The following SRGAP3 variants were observed in gnomAD, a reference collection of about 807,000 sequenced individuals.
SRGAP3 encodes SLIT-ROBO Rho GTPase activating protein 3.
SRGAP3 carries 39 observed loss-of-function variants against 121.1 expected under a neutral mutation model. The ratio of observed to expected loss-of-function variants is 0.32; its 90% CI spans 0.25 to 0.42. SRGAP3 has a LOEUF of 0.42. Ranked by LOEUF, SRGAP3 falls within the 10% of genes least tolerant of loss-of-function variation. SRGAP3 has a pLI of 1.00. For missense variants in SRGAP3, 1,213 were observed against 1,470.6 expected (o/e 0.82, Z 2.86); for synonymous variants, 601 against 570.0 (o/e 1.05, Z -0.77).
chr3:9,032,908 G>A, intron 11 of SRGAP3, among the ~76,000 whole-genome samples, 156 bp from the exon 12 acceptor site: 1 of 152,128 alleles, frequency 6.6e-6, no homozygotes, highest in East Asian at 1.9e-4. Flanking sequence ...TGTTCCATCT[G>A]AAGGCCTTTG....
rs6443233 is a variant in SRGAP3, at chr3:9,327,962, G to T, written n.284-1794C>A. 2.8e-3 allele frequency among the ~76,000 whole-genome samples: 430 copies of T among 152,202 alleles called. 2 individuals carry two copies. The highest frequency in any genetic ancestry group is 9.7e-3 in the African/African-American group (404 of 41,530). On this transcript the variant is annotated intron_variant and non_coding_transcript_variant, in intron 2 of 3. Transcript: ENST00000490889. Reference sequence around the variant, plus strand: ...CTTCTTTGCATAGTTACTGGGTATGGTTAATTCCATATATCCCCAGACCTT... The same window carrying T: ...CTTCTTTGCATAGTTACTGGGTATGTTTAATTCCATATATCCCCAGACCTT...
At position 9,265,650 on chromosome 3, in the gene SRGAP3, T is replaced by C. The variant is rs545187952; in HGVS notation, n.442+60360A>G. ...TCATCATCACTGGTCATTAGAGAAA[T>C]GCAAATCAAAACCACAATGAGATAC... On this transcript the variant is annotated intron_variant and non_coding_transcript_variant, in intron 3 of 3. Transcript: ENST00000490889. Among the ~76,000 whole-genome samples the C allele has an allele frequency of 1.8e-3, 266 of 150,082 alleles. 1 individual carries two copies. Among genetic ancestry groups the C allele is most frequent in the Non-Finnish European group, 3.1e-3 (213 of 67,644 alleles).
At chr3:9,149,636 C>T (rs1158884798) in intron 1 of SRGAP3, among the ~76,000 whole-genome samples, 3 of 152,198 alleles carry the variant, frequency 2.0e-5, no homozygotes, top group Non-Finnish European at 4.4e-5. Context: ...TCTGGGCTGG[C>T]CTGCAGGAGG....
chr3:9,139,510 C>A (rs1343230877), intron 1 of SRGAP3, among the ~76,000 whole-genome samples: 1 of 152,206 alleles, frequency 6.6e-6, no homozygotes, highest in Non-Finnish European at 1.5e-5. Context: ...ATGCTGGTAG[C>A]CACCAGAAAC....
intron 2 of SRGAP3, among the ~76,000 whole-genome samples, chr3:9,106,446 T>A (rs1293921941): frequency 6.6e-6 from 1 of 152,186 alleles, no homozygotes; most frequent in African/African-American, 2.4e-5. Flanking sequence ...TGGCCAAGGT[T>A]CTGTTCTTAG....
intron 1 of SRGAP3, among the ~76,000 whole-genome samples, chr3:9,231,468 A>T (rs368562450): frequency 6.6e-6 from 1 of 152,202 alleles, no homozygotes; most frequent in Non-Finnish European, 1.5e-5. Flanking sequence ...TCTGTTGTGG[A>T]TTTGGATAAA....
chr3:9,290,713 AG>A (rs950443264), intron 3 of SRGAP3, among the ~76,000 whole-genome samples: 7 of 152,166 alleles, frequency 4.6e-5, no homozygotes, highest in African/African-American at 1.4e-4. Flanking sequence ...GAGTGTTAGA[AG>A]GGGGGAATTC....
chr3:9,186,437 C>T (rs946909125), intron 1 of SRGAP3, among the ~76,000 whole-genome samples: 3 of 152,176 alleles, frequency 2.0e-5, no homozygotes, highest in Admixed American at 6.5e-5. Flanking sequence ...TCTATAACAG[C>T]ACCTGGGACG....
At chr3:9,055,037 G>A (rs150107322) in intron 8 of SRGAP3, among the ~76,000 whole-genome samples, 141 of 152,182 alleles carry the variant, frequency 9.3e-4, no homozygotes, top group African/African-American at 3.0e-3. Context: ...ATACTATTCC[G>A]TGTAAACAAT....
At chr3:9,175,990 C>T (rs917361385) in intron 1 of SRGAP3, among the ~76,000 whole-genome samples, 3 of 152,128 alleles carry the variant, frequency 2.0e-5, no homozygotes, top group Admixed American at 6.5e-5. Context: ...GGCGCAGTCT[C>T]GGCTCACTGC....
chr3:9,122,804 G>A (rs1197099040), intron 2 of SRGAP3, among the ~76,000 whole-genome samples: 5 of 151,994 alleles, frequency 3.3e-5, no homozygotes, highest in Non-Finnish European at 1.5e-5. Flanking sequence ...CAAATGCCAA[G>A]AGAAGGCACA....
At chr3:9,358,927 A>C (rs1452406686) in intron 1 of SRGAP3, among the ~76,000 whole-genome samples, 1 of 152,238 alleles carries the variant, frequency 6.6e-6, no homozygotes, top group Non-Finnish European at 1.5e-5. Context: ...GCAGATTAAT[A>C]AAAGAAGAGG....
At chr3:9,066,542 C>A (rs1285675420) in intron 4 of SRGAP3, among the ~76,000 whole-genome samples, 1 of 152,176 alleles carries the variant, frequency 6.6e-6, no homozygotes, top group Non-Finnish European at 1.5e-5. Context: ...TCTTGTTGCC[C>A]AGGCTGGAGT....
At chr3:9,139,636 G>C (rs1422170290) in intron 1 of SRGAP3, among the ~76,000 whole-genome samples, 1 of 152,236 alleles carries the variant, frequency 6.6e-6, no homozygotes, top group Non-Finnish European at 1.5e-5. Flanking sequence ...CCAGAACTGT[G>C]AGAGAATAAA....
chr3:9,164,809 C>A (rs1950726673), intron 1 of SRGAP3, among the ~76,000 whole-genome samples: 1 of 152,234 alleles, frequency 6.6e-6, no homozygotes, highest in Non-Finnish European at 1.5e-5. Context: ...AGTGTTCATA[C>A]CACACCTTGA....
chr3:9,286,748 G>A lies in SRGAP3; in HGVS notation n.442+39262C>T, dbSNP rs1424487809. ...CTCCTGAGTAGCTGGGACTACAGGC[G>A]CCCGCCACCACACCCGGCTAATTTT... On this transcript the variant is annotated intron_variant and non_coding_transcript_variant, in intron 3 of 3. Transcript: ENST00000490889. 3.4e-5 allele frequency among the ~76,000 whole-genome samples: 5 copies of A among 148,610 alleles called. No homozygotes were observed. In the East Asian group the frequency reaches 8.0e-4, roughly 24 times the overall value.
At chr3:9,094,353 C>T (rs1947882092) in intron 3 of SRGAP3, among the ~76,000 whole-genome samples, 1 of 152,194 alleles carries the variant, frequency 6.6e-6, no homozygotes, top group South Asian at 2.1e-4. Context: ...TACCCACAAC[C>T]TATTTAACCA....
At chr3:9,094,881 G>C (rs1947906277) in intron 3 of SRGAP3, among the ~76,000 whole-genome samples, 1 of 151,898 alleles carries the variant, frequency 6.6e-6, no homozygotes, top group Admixed American at 6.6e-5. Context: ...TCAGCCTCCT[G>C]AGTAGCTGAG....
intron 1 of SRGAP3, chr3:9,216,484 C>T (rs901944421): frequency 1.5e-4 from 22 of 147,478 alleles, no homozygotes; most frequent in African/African-American, 5.6e-4. Context: ...CCGTCTCCCA[C>T]CTTCCTCCTA....
Sources: allele counts gnomAD v4.1 joint callset (sites outside exome capture counted in the v4.1 genomes callset), GRCh38; gene constraint gnomAD v4.1.1; transcripts MANE v1.5; gene names NCBI Gene and HGNC (gene_info 2026-07-23, HGNC 2026-07-21).